MACROD2: variants seen among roughly 807,000 people sequenced by gnomAD.
MACROD2 encodes mono-ADP ribosylhydrolase 2.
MACROD2 carries 36 observed loss-of-function variants against 70.4 expected under a neutral mutation model. That is an observed-to-expected ratio of 0.51 (90% CI 0.39 to 0.68). The LOEUF is 0.68. Among genes scored for constraint, MACROD2 ranks in the 30% least tolerant of loss-of-function variants. The pLI is 0.00. For synonymous variants in MACROD2, 172 were observed against 178.8 expected, an observed-to-expected ratio of 0.96 and a Z score of 0.30; for missense variants, 496 against 538.4, an observed-to-expected ratio of 0.92 and a Z score of 0.78.
intron 5 of MACROD2, among the ~76,000 whole-genome samples, chr20:14,867,430 C>G (rs1381725296): frequency 1.3e-5 from 2 of 151,834 alleles, no homozygotes; most frequent in African/African-American, 4.8e-5. Context: ...AATTTTTTTT[C>G]TAGTACACTT....
chr20:15,753,016 A>G (rs564893649), intron 8 of MACROD2, among the ~76,000 whole-genome samples: 72 of 152,332 alleles, frequency 4.7e-4, no homozygotes, highest in Non-Finnish European at 8.7e-4. Context: ...TACTTTGTAA[A>G]TGAGAAATTT....
intron 5 of MACROD2, among the ~76,000 whole-genome samples, chr20:14,796,751 GC>G (rs1486749985): frequency 6.6e-6 from 1 of 151,956 alleles, no homozygotes; most frequent in African/African-American, 2.4e-5. Context: ...TGTATACATA[GC>G]TTTAATATAT....
At chr20:14,334,780 CA>C (rs2122633097) in intron 3 of MACROD2, among the ~76,000 whole-genome samples, 1 of 145,740 alleles carries the variant, frequency 6.9e-6, no homozygotes, top group African/African-American at 2.5e-5. Context: ...TTGATTTAAA[CA>C]GTTATTTCTA....
chr20:14,491,449 AT>A (rs2084793541), intron 3 of MACROD2, among the ~76,000 whole-genome samples: 1 of 152,228 alleles, frequency 6.6e-6, no homozygotes, highest in Admixed American at 6.5e-5. Flanking sequence ...CTTAAAAGTG[AT>A]TGTGTACTAT....
chr20:15,875,813 G>A (rs1227253824), intron 9 of MACROD2, among the ~76,000 whole-genome samples: 2 of 151,870 alleles, frequency 1.3e-5, no homozygotes, highest in South Asian at 2.1e-4. Context: ...AAGGGAGGGA[G>A]GATGTTGTAG....
intron 5 of MACROD2, among the ~76,000 whole-genome samples, chr20:15,020,058 A>G (rs1174297982): frequency 2.6e-5 from 4 of 152,174 alleles, no homozygotes; most frequent in African/African-American, 7.2e-5. Flanking sequence ...ATAAATACGT[A>G]TTGATAAAAA....
intron 3 of MACROD2, among the ~76,000 whole-genome samples, chr20:14,300,412 A>C (rs951794048): frequency 2.0e-5 from 3 of 152,158 alleles, no homozygotes; most frequent in African/African-American, 7.2e-5. Context: ...GATACTTTAT[A>C]ATGCTTTCGT....
intron 2 of MACROD2, among the ~76,000 whole-genome samples, chr20:14,010,416 G>C (rs2052885402): frequency 6.6e-6 from 1 of 152,052 alleles, no homozygotes; most frequent in Non-Finnish European, 1.5e-5. Context: ...GAAGGTAGAG[G>C]GGGAGGCAGG....
At chr20:15,058,719 G>A (rs768387528) in intron 5 of MACROD2, among the ~76,000 whole-genome samples, 7 of 152,226 alleles carry the variant, frequency 4.6e-5, no homozygotes, top group East Asian at 1.9e-4. Context: ...AAAGAGCTTC[G>A]TAGAGCAACT....
At chr20:15,278,237 A>C (rs745708515) in intron 6 of MACROD2, among the ~76,000 whole-genome samples, 2 of 152,214 alleles carry the variant, frequency 1.3e-5, no homozygotes, top group Non-Finnish European at 2.9e-5. Context: ...ACTGTGGCAG[A>C]CTTAGGGATA....
At chr20:15,036,771 T>C (rs2075316238) in intron 5 of MACROD2, among the ~76,000 whole-genome samples, 1 of 152,096 alleles carries the variant, frequency 6.6e-6, no homozygotes, top group Admixed American at 6.6e-5. Flanking sequence ...AACTCCAGAA[T>C]TGATCATGTA....
chr20:15,375,888 A>C (rs16995641), intron 6 of MACROD2, among the ~76,000 whole-genome samples: 14,433 of 152,210 alleles, frequency 0.095, 825 homozygotes, highest in East Asian at 0.17. Flanking sequence ...GCTAATCACT[A>C]TTCAAAACCA....
intron 6 of MACROD2, among the ~76,000 whole-genome samples, chr20:15,314,839 A>G (rs1278075301): frequency 6.6e-6 from 1 of 152,238 alleles, no homozygotes; most frequent in Non-Finnish European, 1.5e-5. Flanking sequence ...AAGTGTCTGT[A>G]TATACTGGAG....
At chr20:14,929,565 G>T (rs1315717223) in intron 5 of MACROD2, 1 of 152,038 alleles carries the variant, frequency 6.6e-6, no homozygotes, top group Non-Finnish European at 1.5e-5. Flanking sequence ...CATTACATAG[G>T]TGTGATTGAT....
intron 8 of MACROD2, among the ~76,000 whole-genome samples, chr20:15,560,845 A>G (rs1312975756): frequency 2.0e-5 from 3 of 150,594 alleles, no homozygotes; most frequent in Admixed American, 6.6e-5. Flanking sequence ...TCTTGGACAC[A>G]TAATTTTGCT....
chr20:15,084,077 T>TTTTTTTTTTTTTTTTTTTTTTTTGTTTTG (rs1555780896), intron 5 of MACROD2, among the ~76,000 whole-genome samples: 2 of 145,706 alleles, frequency 1.4e-5, no homozygotes, highest in African/African-American at 5.2e-5. Flanking sequence ...TTTTTGTTTT[T>TTTTTTTTTTTTTTTTTTTTTTTTGTTTTG]TTTTTTTAAT....
chr20:14,368,458 G>C (rs150835183), intron 3 of MACROD2, among the ~76,000 whole-genome samples: 2,249 of 151,854 alleles, frequency 0.015, 24 homozygotes, highest in African/African-American at 0.027. Flanking sequence ...CAGGAGAATG[G>C]CATGAACCCG....
intron 5 of MACROD2, among the ~76,000 whole-genome samples, chr20:14,930,990 C>A (rs2074290690): frequency 6.6e-6 from 1 of 151,740 alleles, no homozygotes; most frequent in South Asian, 2.1e-4. Flanking sequence ...CATAGTGAGA[C>A]CCCATCCTTA....
At chr20:14,898,654 C>T (rs1346554999) in intron 5 of MACROD2, among the ~76,000 whole-genome samples, 1 of 152,112 alleles carries the variant, frequency 6.6e-6, no homozygotes, top group Non-Finnish European at 1.5e-5. Flanking sequence ...GGTACTGGTC[C>T]CAACTCCACT....
Sources: gnomAD v4.1 joint callset for allele counts (sites outside exome capture counted in the v4.1 genomes callset) on GRCh38, gnomAD v4.1.1 for gene constraint, MANE v1.5 for transcripts, NCBI Gene and HGNC (gene_info 2026-07-23, HGNC 2026-07-21) for gene names.